GAD2: variants seen among roughly 807,000 people sequenced by gnomAD.
GAD2 encodes the protein 65 kDa glutamic acid decarboxylase.
Under a neutral mutation model 80.1 loss-of-function variants are expected in GAD2, and 22 were observed. The observed-to-expected ratio is 0.27, with a 90% CI of 0.20 to 0.39. GAD2 has a LOEUF of 0.39. Among genes scored for constraint, GAD2 ranks in the 10% least tolerant of loss-of-function variants. The pLI is 1.00. For synonymous variants in GAD2, 274 were observed against 256.9 expected (o/e 1.07, Z -0.64); for missense variants, 624 against 738.4 (o/e 0.85, Z 1.80).
At chr10:26,267,033 T>C (rs1845081341) in intron 8 of GAD2, among the ~76,000 whole-genome samples, 1 of 152,196 alleles carries the variant, frequency 6.6e-6, no homozygotes, top group Admixed American at 6.5e-5. Flanking sequence ...CCCTTCCAAT[T>C]TGAATGCACT....
Position 26,286,502 on chromosome 10 carries a change from T to A in GAD2, c.1386+8T>A. ...CTGATGTGGAGGGCAAAGGTGAGTA[T>A]GTATGGACCAGCTAAATGTCAACTA... On this transcript the variant is annotated splice_region_variant and intron_variant, in intron 13 of 15. Transcript: ENST00000376261. 1 of 1,602,376 alleles carries A rather than the reference T, an allele frequency of 6.2e-7. No individual in the cohort carries two copies.
At chr10:26,230,089 G>T (rs1053813401) in intron 7 of GAD2, among the ~76,000 whole-genome samples, 3 of 152,078 alleles carry the variant, frequency 2.0e-5, no homozygotes, top group African/African-American at 7.2e-5. Context: ...AATTACTTGA[G>T]TTCAGGAGGT....
At chr10:26,239,767 T>A (rs1844718217) in intron 7 of GAD2, among the ~76,000 whole-genome samples, 1 of 152,142 alleles carries the variant, frequency 6.6e-6, no homozygotes, top group Admixed American at 6.6e-5. Context: ...GGGAACCATG[T>A]AAGTATTTGA....
At chr10:26,273,070 A>T (rs1845155721) in intron 10 of GAD2, among the ~76,000 whole-genome samples, 1 of 152,124 alleles carries the variant, frequency 6.6e-6, no homozygotes, top group Non-Finnish European at 1.5e-5. Flanking sequence ...CAAATCTTCA[A>T]CCTTGATCAA....
chr10:26,243,923 C>G (rs1257896452), intron 7 of GAD2, among the ~76,000 whole-genome samples: 1 of 152,136 alleles, frequency 6.6e-6, no homozygotes, highest in African/African-American at 2.4e-5. Flanking sequence ...TATTGTTAAG[C>G]CTTGTATGTA....
rs8190714 is a variant in GAD2, at chr10:26,270,510, G to A, written c.976-130G>A. The stretch of plus-strand genomic sequence containing the variant: ...ATTTGTCCCAGACCCCGGGGTGTCA[G>A]TAACTCTGCTGCTGCTTCCTCAAAT... On this transcript the variant is annotated intron_variant, in intron 9 of 15. Transcript: ENST00000376261. 3,091 of 731,502 alleles carry A rather than the reference G, an allele frequency of 4.2e-3. 74 individuals carry two copies. The African/African-American group carries it at 0.048, about 11-fold the overall frequency. 45.3% of individuals were successfully genotyped at this position (731,502 alleles called of 1,614,324 possible).
chr10:26,280,818 C>T (rs1845262574), intron 11 of GAD2, among the ~76,000 whole-genome samples, 191 bp from the exon 12 acceptor site: 1 of 151,758 alleles, frequency 6.6e-6, no homozygotes, highest in Admixed American at 6.6e-5. Flanking sequence ...CACCACTACG[C>T]ACTATATACG....
chr10:26,264,711 G>A (rs575899519), intron 8 of GAD2, among the ~76,000 whole-genome samples: 1 of 152,326 alleles, frequency 6.6e-6, no homozygotes, highest in South Asian at 2.1e-4. Context: ...GTCGGGAGGA[G>A]GAGCAGGGAT....
intron 7 of GAD2, among the ~76,000 whole-genome samples, chr10:26,243,218 A>G (rs1253496436): frequency 6.6e-6 from 1 of 152,198 alleles, no homozygotes; most frequent in African/African-American, 2.4e-5. Flanking sequence ...GAGCTTGTCA[A>G]ACTCCACAGC....
chr10:26,301,100 A>G lies in GAD2; in HGVS notation c.*139A>G, dbSNP rs1834325681. 1.4e-6 allele frequency: 1 copy of G among 713,286 alleles called. No homozygotes were observed. The highest frequency in any genetic ancestry group is 2.7e-5 in the East Asian group (1 of 37,492). 44.2% of individuals were successfully genotyped at this position (713,286 alleles called of 1,614,324 possible). On this transcript the variant is annotated 3_prime_UTR_variant, in exon 16 of 16. Coordinates refer to ENST00000376261, the MANE Select transcript of GAD2 (RefSeq NM_001134366.2). ...TCAAAGTAGAGTTTAAAAATTAAAC[A>G]AAAAAGACATTGCTCCTTTTAAAAG...
At chr10:26,232,469 CTTT>C (rs60636223) in intron 7 of GAD2, among the ~76,000 whole-genome samples, 208 of 101,414 alleles carry the variant, frequency 2.1e-3, no homozygotes, top group African/African-American at 7.6e-3. Flanking sequence ...ACTCAGTCTA[CTTT>C]TTTTTTTTTT....
intron 6 of GAD2, among the ~76,000 whole-genome samples, chr10:26,226,175 T>C (rs1844520113): frequency 6.6e-6 from 1 of 152,206 alleles, no homozygotes; most frequent in African/African-American, 2.4e-5. Flanking sequence ...CAGATGTACC[T>C]GTTGACCCTG....
chr10:26,251,112 A>G (rs1844876243), intron 8 of GAD2, among the ~76,000 whole-genome samples: 1 of 138,244 alleles, frequency 7.2e-6, no homozygotes, highest in South Asian at 2.3e-4. Context: ...GTTAGCCAGG[A>G]TGGTCTTGAT....
chr10:26,266,862 T>C (rs1845080147), intron 8 of GAD2, among the ~76,000 whole-genome samples: 1 of 152,250 alleles, frequency 6.6e-6, no homozygotes, highest in South Asian at 2.1e-4. Flanking sequence ...GTTTCCTATA[T>C]GTTTGGCACC....
At chr10:26,243,863 C>A (rs896644578) in intron 7 of GAD2, among the ~76,000 whole-genome samples, 3 of 152,216 alleles carry the variant, frequency 2.0e-5, no homozygotes, top group Non-Finnish European at 4.4e-5. Context: ...TTCTTGGTAA[C>A]ATATAAGCCT....
intron 15 of GAD2, among the ~76,000 whole-genome samples, chr10:26,300,247 T>C (rs1413116925): frequency 6.6e-6 from 1 of 152,170 alleles, no homozygotes; most frequent in East Asian, 1.9e-4. Flanking sequence ...CTAATTATCA[T>C]CATTATTAAG....
At chr10:26,249,195 T>TGGG (rs1336179561) in intron 8 of GAD2, among the ~76,000 whole-genome samples, 1 of 152,120 alleles carries the variant, frequency 6.6e-6, no homozygotes, top group African/African-American at 2.4e-5. Context: ...CCCTAGTAGC[T>TGGG]GGGACTACAG....
At chr10:26,260,873 T>C (rs1040933814) in intron 8 of GAD2, among the ~76,000 whole-genome samples, 2 of 152,190 alleles carry the variant, frequency 1.3e-5, no homozygotes, top group African/African-American at 4.8e-5. Flanking sequence ...TACAGTTTGA[T>C]AATTAGCAAA....
At chr10:26,231,584 C>T (rs8190647) in intron 7 of GAD2, among the ~76,000 whole-genome samples, 28,590 of 152,076 alleles carry the variant, frequency 0.19, 2,805 homozygotes, top group East Asian at 0.31. Context: ...GGGCAAAAAC[C>T]ACACAGCCTA....
Sources: allele counts gnomAD v4.1 joint callset (sites outside exome capture counted in the v4.1 genomes callset), GRCh38; gene constraint gnomAD v4.1.1; transcripts MANE v1.5; gene names NCBI Gene and HGNC (gene_info 2026-07-23, HGNC 2026-07-21).